YY1: variants seen among roughly 807,000 people sequenced by gnomAD.
The protein encoded by YY1 is transcriptional repressor protein YY1.
In YY1, 2 loss-of-function variants were observed where a neutral mutation model predicts 35.6. The ratio of observed to expected loss-of-function variants is 0.06; its 90% confidence interval spans 0.02 to 0.18. YY1 has a LOEUF of 0.18. Ranked by LOEUF, YY1 falls within the 10% of genes least tolerant of loss-of-function variation. The pLI is 1.00. For synonymous variants in YY1, 268 were observed against 238.9 expected, an observed-to-expected ratio of 1.12 and a Z score of -1.12; for missense variants, 322 against 573.4, an observed-to-expected ratio of 0.56 and a Z score of 4.48.
intron 1 of YY1, among the ~76,000 whole-genome samples, chr14:100,250,500 G>T (rs1890908288): frequency 6.6e-6 from 1 of 151,922 alleles, no homozygotes; most frequent in Non-Finnish European, 1.5e-5. Flanking sequence ...AGAAAATCGG[G>T]ATCACAGGAA....
At position 100,280,388 on chromosome 14, in the gene YY1, T is replaced by C. The variant is rs1460305397; in HGVS notation, c.*2788T>C. The C allele has an allele frequency of 6.6e-6, 1 of 152,246 alleles. No homozygotes were observed. The highest frequency in any genetic ancestry group is 1.5e-5 in the Non-Finnish European group (1 of 68,038). 9.4% of individuals were successfully genotyped at this position (152,246 alleles called of 1,614,324 possible). ...ATATAAAAACTCCAGAGGATAAGTT[T>C]ACACTTAACAAGATGTTGTTTTCTA... is the stretch of plus-strand genomic sequence containing the variant. On this transcript the variant is annotated 3_prime_UTR_variant, in exon 5 of 5. Transcript: ENST00000262238.
chr14:100,259,834 T>C (rs1891055858), intron 1 of YY1, among the ~76,000 whole-genome samples: 1 of 152,144 alleles, frequency 6.6e-6, no homozygotes. Flanking sequence ...CCAGGTATGT[T>C]GTTAAAGTGG....
chr14:100,263,478 A>G (rs759423106), intron 2 of YY1, among the ~76,000 whole-genome samples: 3 of 152,202 alleles, frequency 2.0e-5, no homozygotes, highest in Non-Finnish European at 4.4e-5. Flanking sequence ...GGGTTCTTAT[A>G]GAAGCCTACT....
In YY1 at chr14:100,281,295, T is replaced by A. The variant is rs1018338480; in HGVS notation, c.*3695T>A. 6.6e-6 allele frequency: 1 copy of A among 151,918 alleles called. No homozygotes were observed. Among genetic ancestry groups the A allele is most frequent in the African/African-American group, 2.4e-5 (1 of 41,318 alleles). 9.4% of individuals were successfully genotyped at this position (151,918 alleles called of 1,614,324 possible). ...CCAGCAAGAGTAAGGATCCCAGAGG[T>A]CAAAACAGTGGTGAGAGCCAAGCTG... On this transcript the variant is annotated 3_prime_UTR_variant, in exon 5 of 5. Transcript: ENST00000262238.
chr14:100,255,202 T>C (rs1264053020), intron 1 of YY1, among the ~76,000 whole-genome samples: 1 of 152,152 alleles, frequency 6.6e-6, no homozygotes, highest in African/African-American at 2.4e-5. Flanking sequence ...GAATAAGTCA[T>C]AAATGTGATA....
chr14:100,242,672 G>T lies in YY1; in HGVS notation c.679+2749G>T, dbSNP rs576084876. On this transcript the variant is annotated intron_variant, in intron 1 of 4. Transcript: ENST00000262238. ...CAAAGTGCTGGGATTACAGGTGTGA[G>T]CCACCGCGCCCAGCCAAGTGGCTGC... Among the ~76,000 whole-genome samples the T allele has an allele frequency of 2.0e-3, 310 of 152,260 alleles. 1 individual carries two copies. Among genetic ancestry groups the T allele is most frequent in the Non-Finnish European group, 3.5e-3 (239 of 68,022 alleles).
chr14:100,273,001 G>A (rs1478624006), intron 2 of YY1, among the ~76,000 whole-genome samples: 1 of 130,302 alleles, frequency 7.7e-6, no homozygotes, highest in East Asian at 2.3e-4. Flanking sequence ...CCTTCTTGCC[G>A]CCTAGGCTGG....
chr14:100,248,374 G>A (rs1215430494), intron 1 of YY1, among the ~76,000 whole-genome samples: 1 of 151,966 alleles, frequency 6.6e-6, no homozygotes, highest in Non-Finnish European at 1.5e-5. Context: ...CGCCCGCCTT[G>A]GCCTCCCAAA....
In YY1 at chr14:100,247,375, C is replaced by T. The variant is rs923442272; in HGVS notation, c.679+7452C>T. Among the ~76,000 whole-genome samples the T allele has an allele frequency of 2.3e-4, 34 of 147,696 alleles. No homozygotes were observed. In the South Asian group the frequency reaches 5.8e-3, roughly 25 times the overall value. ...GAAGAGTAAGCAAAAATGAATTTTT[C>T]TTTTTTTCTTTTTTTTTTTTTTTCG... On this transcript the variant is annotated intron_variant, in intron 1 of 4. Coordinates refer to ENST00000262238, the MANE Select transcript of YY1 (RefSeq NM_003403.5).
At chr14:100,253,887 A>G (rs1210661813) in intron 1 of YY1, among the ~76,000 whole-genome samples, 2 of 151,272 alleles carry the variant, frequency 1.3e-5, no homozygotes, top group Non-Finnish European at 3.0e-5. Context: ...GTGGAGTGCA[A>G]TGGCATGATC....
At chr14:100,242,470 G>C (rs1312689040) in intron 1 of YY1, among the ~76,000 whole-genome samples, 1 of 135,634 alleles carries the variant, frequency 7.4e-6, no homozygotes, top group Non-Finnish European at 1.5e-5. Flanking sequence ...CTCACGGCAA[G>C]CTCCGCCTCC....
chr14:100,280,385 GT>G lies in YY1; in HGVS notation c.*2788del, dbSNP rs1891398820. 1 of 152,144 alleles carries G rather than the reference GT, an allele frequency of 6.6e-6. No homozygotes were observed. The allele number at this position is 152,144 out of a possible 1,614,324, so 9.4% of individuals were successfully genotyped here. On this transcript the variant is annotated 3_prime_UTR_variant, in exon 5 of 5. Coordinates refer to ENST00000262238, the MANE Select transcript of YY1 (RefSeq NM_003403.5). Reference sequence around the variant, plus strand: ...GTAATATAAAAACTCCAGAGGATAAGTTTACACTTAACAAGATGTTGTTTTC... The same window carrying G: ...GTAATATAAAAACTCCAGAGGATAAGTTACACTTAACAAGATGTTGTTTTC...
chr14:100,259,015 G>T (rs1891043216), intron 1 of YY1, among the ~76,000 whole-genome samples: 1 of 152,184 alleles, frequency 6.6e-6, no homozygotes, highest in Non-Finnish European at 1.5e-5. Flanking sequence ...TGGTTTGGTT[G>T]TTGGTCTTGA....
intron 1 of YY1, among the ~76,000 whole-genome samples, chr14:100,248,178 C>G (rs929391504): frequency 2.8e-5 from 4 of 145,090 alleles, no homozygotes; most frequent in African/African-American, 5.2e-5. Context: ...TGCAGTGGCG[C>G]GATCTCGGCT....
chr14:100,253,909 C>T (rs964649346), intron 1 of YY1, among the ~76,000 whole-genome samples: 2 of 152,188 alleles, frequency 1.3e-5, no homozygotes, highest in South Asian at 4.1e-4. Flanking sequence ...CAGCTCACTG[C>T]AACCTCTGCC....
chr14:100,281,089 G>GAAAAAAAAAAAAA lies in YY1; in HGVS notation c.*3492_*3493insAAAAAAAAAAAAA, dbSNP rs1891420183. On this transcript the variant is annotated 3_prime_UTR_variant, in exon 5 of 5. Coordinates refer to ENST00000262238, the MANE Select transcript of YY1 (RefSeq NM_003403.5). ...AAAAAAAAAAAAAAAAAAAAAAAAGGAAACCTGACAATTCTACCCACCTCC... is the reference window on the plus strand; with the variant it reads ...AAAAAAAAAAAAAAAAAAAAAAAAGGAAAAAAAAAAAAAAAACCTGACAATTCTACCCACCTCC... 8.5e-6 allele frequency: 1 copy of GAAAAAAAAAAAAA among 117,966 alleles called. No homozygotes were observed. The highest frequency in any genetic ancestry group is 3.4e-5 in the African/African-American group (1 of 29,142). The allele number at this position is 117,966 out of a possible 1,614,324, so 7.3% of individuals were successfully genotyped here. A position where few individuals can be genotyped will look rare whatever the true frequency, so the allele number is the denominator to read the frequency against.
chr14:100,239,867 A>C lies in YY1; in HGVS notation c.623A>C (p.Lys208Thr). The C allele has an allele frequency of 6.6e-7, 1 of 1,525,348 alleles. No individual in the cohort carries two copies. The highest frequency in any genetic ancestry group is 8.8e-7 in the Non-Finnish European group (1 of 1,139,976). 94.5% of individuals were successfully genotyped at this position (1,525,348 alleles called of 1,614,324 possible). A position where few individuals can be genotyped will look rare whatever the true frequency, so the allele number is the denominator to read the frequency against. The change falls in exon 1 of 5, where the codon AAG (lysine) becomes ACG (threonine). Residue 208 changes from lysine to threonine, a missense_variant. Around this residue, in one of 4 missense-constraint regions of YY1, gnomAD observed 152 missense variants for 167.1 expected, o/e 0.91. Transcript: ENST00000262238. Reference sequence around the variant, plus strand: ...CCGGGCAACAAGAAGTGGGAGCAGAAGCAGGTGCAGATCAAGACCCTGGAG... The same window carrying C: ...CCGGGCAACAAGAAGTGGGAGCAGACGCAGGTGCAGATCAAGACCCTGGAG... ...ADPGNKKWEQ[K>T]QVQIKTLEGE...
chr14:100,244,320 CTTTTTTTT>C (rs869125410), intron 1 of YY1, among the ~76,000 whole-genome samples: 15 of 89,702 alleles, frequency 1.7e-4, no homozygotes, highest in Admixed American at 2.7e-4. Context: ...TCCTTTTTTA[CTTTTTTTT>C]TTTTTTTTTT....
intron 2 of YY1, chr14:100,264,178 T>C (rs2895858): frequency 0.26 from 39,092 of 151,610 alleles, 5,115 homozygotes; most frequent in Middle Eastern, 0.36. Flanking sequence ...GAGTTTTTGT[T>C]TGTTAGTTTT....
Sources: gnomAD v4.1 joint callset for allele counts (sites outside exome capture counted in the v4.1 genomes callset) on GRCh38, gnomAD v4.1.1 for gene constraint, gnomAD v4.1.1 regional missense constraint, MANE v1.5 for transcripts, NCBI Gene and HGNC (gene_info 2026-07-23, HGNC 2026-07-21) for gene names.